The following HIVEP3 variants were observed in gnomAD, a reference collection of about 807,000 sequenced individuals.
HIVEP3 encodes HIVEP zinc finger 3, also known as transcription factor HIVEP3.
A neutral mutation model predicts 152.8 loss-of-function variants in HIVEP3; 49 were observed. That is an observed-to-expected ratio of 0.32 (90% CI 0.26 to 0.41). HIVEP3 has a LOEUF of 0.41. HIVEP3 is among the 10% of genes least tolerant of loss of function. The probability of loss-of-function intolerance (pLI) is 1.00; values close to 1 mark genes in which losing one functional copy is unlikely to be tolerated. For missense variants in HIVEP3, 2,790 were observed against 3,103.3 expected, an observed-to-expected ratio of 0.90 and a Z score of 2.40; for synonymous variants, 1,269 against 1,289.0, an observed-to-expected ratio of 0.98 and a Z score of 0.33.
intron 1 of HIVEP3, among the ~76,000 whole-genome samples, chr1:41,894,777 A>C (rs1644502184): frequency 6.6e-6 from 1 of 152,220 alleles, no homozygotes; most frequent in Non-Finnish European, 1.5e-5. Flanking sequence ...GTAACCCAGC[A>C]CTGAAGGTGA....
At chr1:41,714,174 T>C (rs908240084) in intron 1 of HIVEP3, among the ~76,000 whole-genome samples, 7 of 152,328 alleles carry the variant, frequency 4.6e-5, no homozygotes, top group Admixed American at 6.5e-5. Context: ...AGGCTGGTTA[T>C]GGATTTTAAC....
At chr1:41,753,755 G>T (rs1647207621) in intron 1 of HIVEP3, among the ~76,000 whole-genome samples, 1 of 152,108 alleles carries the variant, frequency 6.6e-6, no homozygotes, top group Admixed American at 6.5e-5. Flanking sequence ...TGTTTACTAG[G>T]TGGCCGTTCA....
chr1:41,757,122 A>ATTATTG (rs1647353376), intron 1 of HIVEP3, among the ~76,000 whole-genome samples: 1 of 147,752 alleles, frequency 6.8e-6, no homozygotes, highest in South Asian at 2.1e-4. Context: ...TATTATTATT[A>ATTATTG]TTATTATTTT....
At chr1:41,632,576 T>G (rs1384243971) in intron 2 of HIVEP3, among the ~76,000 whole-genome samples, 3 of 151,800 alleles carry the variant, frequency 2.0e-5, no homozygotes, top group African/African-American at 7.3e-5. Context: ...GCCAACATGG[T>G]GAAACCCTGT....
intron 1 of HIVEP3, among the ~76,000 whole-genome samples, chr1:41,869,025 T>C (rs1435665769): frequency 1.3e-5 from 2 of 152,186 alleles, no homozygotes; most frequent in Non-Finnish European, 2.9e-5. Context: ...AAGGTGGGGT[T>C]CAAAGCAATG....
rs187315870 is a variant in HIVEP3, at chr1:42,014,250, C to G, written n.119+21557G>C. 2.0e-5 allele frequency among the ~76,000 whole-genome samples: 3 copies of G among 152,106 alleles called. No homozygotes were observed. The East Asian group carries it at 5.8e-4, about 29-fold the overall frequency. The stretch of plus-strand genomic sequence containing the variant: ...CAGGTGGAAAGGAAATGGCATGCCA[C>G]AAAATGAACAATACAGCTGCATTTA... On this transcript the variant is annotated intron_variant and non_coding_transcript_variant, in intron 1 of 3. Coordinates refer to the HIVEP3 transcript ENST00000489103.
intron 1 of HIVEP3, among the ~76,000 whole-genome samples, chr1:41,899,586 T>C (rs1331846416): frequency 6.6e-6 from 1 of 152,186 alleles, no homozygotes; most frequent in Non-Finnish European, 1.5e-5. Context: ...TTTTGTGTTT[T>C]TAGTAGAGAC....
chr1:41,882,359 C>T (rs111732725), intron 1 of HIVEP3, among the ~76,000 whole-genome samples: 69 of 152,306 alleles, frequency 4.5e-4, no homozygotes, highest in African/African-American at 1.3e-3. Flanking sequence ...AGGAAGATGG[C>T]AGCCTACAAC....
rs192257909 is a variant in HIVEP3 at position 41,893,066 on chromosome 1, C to A, written c.-801+25347G>T. Among the ~76,000 whole-genome samples the A allele has an allele frequency of 9.3e-4, 135 of 144,742 alleles. 1 individual carries two copies. The highest frequency in any genetic ancestry group is 1.6e-3 in the Non-Finnish European group (108 of 67,290). The allele number at this position is 144,742 out of a possible 152,430, so 95.0% of individuals were successfully genotyped here. ...AGTGCCCGCAAGGTTGAGGCTGTAG[C>A]GAGCCATGTTCGTGCAACTGCACTC... is the stretch of plus-strand genomic sequence containing the variant. On this transcript the variant is annotated intron_variant, in intron 1 of 8. Coordinates refer to ENST00000372583, the MANE Select transcript of HIVEP3 (RefSeq NM_024503.5).
At chr1:41,549,718 G>A (rs1084462) in intron 5 of HIVEP3, among the ~76,000 whole-genome samples, 42,395 of 152,066 alleles carry the variant, frequency 0.28, 7,289 homozygotes, top group Non-Finnish European at 0.4. Flanking sequence ...TTTTGATGGG[G>A]TTGTTTGTTT....
Position 41,718,779 on chromosome 1 carries a change from CA to C in HIVEP3, c.-800-17785del, listed in dbSNP as rs1424711414. Among the ~76,000 whole-genome samples, 712 of 127,068 alleles carry C rather than the reference CA, an allele frequency of 5.6e-3. 6 individuals carry two copies. Among genetic ancestry groups the C allele is most frequent in the African/African-American group, 0.031 (684 of 22,056 alleles). The allele number at this position is 127,068 out of a possible 152,430, so 83.4% of individuals were successfully genotyped here. A position where few individuals can be genotyped will look rare whatever the true frequency, so the allele number is the denominator to read the frequency against. ...TTTCTTTCTCTCTTTCACACCCACACACACACACACACACACACGTGCACAC... is the reference window on the plus strand; with the variant it reads ...TTTCTTTCTCTCTTTCACACCCACACCACACACACACACACACGTGCACAC... On this transcript the variant is annotated intron_variant, in intron 1 of 8. Transcript: ENST00000372583.
chr1:41,924,641 C>T (rs554134200), intron 1 of HIVEP3, among the ~76,000 whole-genome samples: 1 of 152,146 alleles, frequency 6.6e-6, no homozygotes, highest in Admixed American at 6.5e-5. Flanking sequence ...AAGAAAGGTA[C>T]CTACCCACTG....
intron 5 of HIVEP3, among the ~76,000 whole-genome samples, chr1:41,558,299 C>T (rs1277296568): frequency 6.6e-6 from 1 of 152,238 alleles, no homozygotes; most frequent in African/African-American, 2.4e-5. Context: ...CACTCCTGGA[C>T]CTTCCTGCTC....
intron 1 of HIVEP3, among the ~76,000 whole-genome samples, chr1:42,026,421 C>T (rs1033677454): frequency 6.6e-6 from 1 of 152,144 alleles, no homozygotes; most frequent in Non-Finnish European, 1.5e-5. Flanking sequence ...CTCTTTAGTG[C>T]TTTTAAGAAA....
At chr1:41,718,744 T>C (rs941606202) in intron 1 of HIVEP3, among the ~76,000 whole-genome samples, 4 of 151,746 alleles carry the variant, frequency 2.6e-5, no homozygotes, top group Admixed American at 1.3e-4. Flanking sequence ...CCTCTGTCTC[T>C]GTCTCTCTCT....
intron 1 of HIVEP3, among the ~76,000 whole-genome samples, chr1:41,823,717 TG>T (rs1642676775): frequency 6.6e-6 from 1 of 152,258 alleles, no homozygotes; most frequent in South Asian, 2.1e-4. Context: ...TCCCAGCCTC[TG>T]GGGAGGGCAA....
At chr1:41,719,166 A>AG (rs1212830310) in intron 1 of HIVEP3, among the ~76,000 whole-genome samples, 2 of 152,234 alleles carry the variant, frequency 1.3e-5, no homozygotes, top group African/African-American at 2.4e-5. Context: ...CTGGAGGAGG[A>AG]GAGAGAGGAG....
At chr1:41,638,633 A>G (rs773496228) in intron 2 of HIVEP3, among the ~76,000 whole-genome samples, 1 of 24,690 alleles carries the variant, frequency 4.1e-5, no homozygotes, top group Non-Finnish European at 9.7e-5. Flanking sequence ...GGGGGCTACT[A>G]GGGGTAGAGG....
At chr1:41,630,001 A>G (rs1471676028) in intron 2 of HIVEP3, among the ~76,000 whole-genome samples, 1 of 152,240 alleles carries the variant, frequency 6.6e-6, no homozygotes, top group South Asian at 2.1e-4. Flanking sequence ...CACTATTCAC[A>G]ATAGCAAAGA....
Sources: gnomAD v4.1 joint callset for allele counts (sites outside exome capture counted in the v4.1 genomes callset) on GRCh38, gnomAD v4.1.1 for gene constraint, MANE v1.5 for transcripts, NCBI Gene and HGNC (gene_info 2026-07-23, HGNC 2026-07-21) for gene names.